UBE4B: variants seen among roughly 807,000 people sequenced by gnomAD.
UBE4B encodes ubiquitination factor E4B.
A neutral mutation model predicts 148.1 loss-of-function variants in UBE4B; 27 were observed. That is an observed-to-expected ratio of 0.18 (90% CI 0.13 to 0.25). The LOEUF (loss-of-function observed/expected upper bound fraction) is 0.25, where lower values mean the gene tolerates loss of function less well. Ranked by LOEUF, UBE4B falls within the 10% of genes least tolerant of loss-of-function variation. UBE4B has a pLI of 1.00. For synonymous variants in UBE4B, 596 were observed against 619.3 expected (o/e 0.96, Z 0.56); for missense variants, 1,170 against 1,662.4 (o/e 0.70, Z 5.15).
At position 10,112,540 on chromosome 1, in the gene UBE4B, C is replaced by T. The variant is rs975996233; in HGVS notation, c.1197-4919C>T. Reference sequence around the variant, plus strand: ...TCAGCCTCCCAGGTAGCTGGGATTACAGGCACCCGCCACCATGCCTGGCTA... The same window carrying T: ...TCAGCCTCCCAGGTAGCTGGGATTATAGGCACCCGCCACCATGCCTGGCTA... On this transcript the variant is annotated intron_variant, in intron 7 of 27. Coordinates refer to ENST00000343090, the MANE Select transcript of UBE4B (RefSeq NM_001105562.3). 7.2e-5 allele frequency among the ~76,000 whole-genome samples: 11 copies of T among 152,176 alleles called. No homozygotes were observed. In the East Asian group the frequency reaches 2.1e-3, roughly 29 times the overall value.
intron 7 of UBE4B, chr1:10,107,473 A>T: frequency 8.3e-7 from 1 of 1,198,758 alleles, no homozygotes; most frequent in Non-Finnish European, 1.1e-6. Context: ...TCCAGGCAGG[A>T]TAGGGTCAAA....
chr1:10,160,277 T>A (rs888033249), intron 22 of UBE4B, among the ~76,000 whole-genome samples: 1 of 152,244 alleles, frequency 6.6e-6, no homozygotes, highest in Non-Finnish European at 1.5e-5. Flanking sequence ...CTTCCATGCG[T>A]CAGTCTTTGT....
Position 10,137,169 on chromosome 1 carries a change from ATATC to A in UBE4B, c.2328_2331del (p.Ile777AlafsTer13). ...TCTATTCTGCCTAGTTGCCGTCGCT[ATATC>A]CGCAGACTCCGGGCTATCCGGGAGC... is the stretch of plus-strand genomic sequence containing the variant. On this transcript the variant is annotated frameshift_variant, in exon 17 of 28. Transcript: ENST00000343090. LOFTEE classifies it high-confidence loss of function. 6.2e-7 allele frequency: 1 copy of A among 1,614,046 alleles called. No homozygotes were observed.
intron 25 of UBE4B, among the ~76,000 whole-genome samples, chr1:10,177,703 G>C (rs1557621866): frequency 1.3e-5 from 2 of 151,810 alleles, no homozygotes; most frequent in East Asian, 3.9e-4. Flanking sequence ...CAAAAACACT[G>C]GCCACTTGTT....
chr1:10,141,879 C>T (rs2101967384), intron 17 of UBE4B, among the ~76,000 whole-genome samples: 1 of 152,268 alleles, frequency 6.6e-6, no homozygotes, highest in Non-Finnish European at 1.5e-5. Flanking sequence ...CTTTGGGTCC[C>T]AGTCTTTGCC....
chr1:10,151,057 G>A (rs1413750983), intron 20 of UBE4B, among the ~76,000 whole-genome samples: 1 of 151,258 alleles, frequency 6.6e-6, no homozygotes, highest in Non-Finnish European at 1.5e-5. Context: ...CAGCTACTCG[G>A]GAGGCTGAGG....
intron 2 of UBE4B, among the ~76,000 whole-genome samples, chr1:10,082,397 A>T (rs1376987353): frequency 6.6e-6 from 1 of 152,096 alleles, no homozygotes; most frequent in Non-Finnish European, 1.5e-5. Context: ...GCTACTGGGG[A>T]GGCTGAGGCA....
chr1:10,037,533 G>A (rs139431848), intron 1 of UBE4B, among the ~76,000 whole-genome samples: 154 of 151,964 alleles, frequency 1.0e-3, no homozygotes, highest in Non-Finnish European at 1.8e-3. Context: ...GTTGTTTTTC[G>A]TATCTCAAGG....
intron 14 of UBE4B, among the ~76,000 whole-genome samples, chr1:10,131,248 G>C (rs866674465): frequency 6.6e-6 from 1 of 152,168 alleles, no homozygotes; most frequent in Admixed American, 6.6e-5. Context: ...AGGCCGAGTG[G>C]GGTGGATCAC....
intron 25 of UBE4B, 47 bp from the exon 26 acceptor site, chr1:10,178,597 C>T: frequency 6.6e-7 from 1 of 1,513,706 alleles, no homozygotes; most frequent in Non-Finnish European, 8.8e-7. Flanking sequence ...TCGCTTTTTT[C>T]CACCTGACGT....
chr1:10,062,250 A>C (rs998282563), intron 1 of UBE4B, among the ~76,000 whole-genome samples: 6 of 151,872 alleles, frequency 4.0e-5, no homozygotes, highest in African/African-American at 1.5e-4. Context: ...TAATTTCCTT[A>C]TCTCTTTGAA....
chr1:10,043,421 CTTTTTTTTTTTT>C (rs35513799), intron 1 of UBE4B, among the ~76,000 whole-genome samples: 29 of 110,862 alleles, frequency 2.6e-4, no homozygotes, highest in Non-Finnish European at 4.0e-4. Context: ...TGAGATGCTG[CTTTTTTTTTTTT>C]TTTTTTTTTT....
intron 1 of UBE4B, among the ~76,000 whole-genome samples, chr1:10,071,744 G>A (rs1246837863): frequency 6.6e-6 from 1 of 152,054 alleles, no homozygotes; most frequent in Non-Finnish European, 1.5e-5. Context: ...TGCTCAGGCT[G>A]GTCTTGAACT....
At chr1:10,145,247 G>T (rs887858892) in intron 18 of UBE4B, 20 of 398,776 alleles carry the variant, frequency 5.0e-5, no homozygotes, top group African/African-American at 8.1e-5. Context: ...AATATGGATA[G>T]ATATGCTTCT....
chr1:10,090,282 G>A (rs2101864842), intron 2 of UBE4B, among the ~76,000 whole-genome samples: 1 of 152,188 alleles, frequency 6.6e-6, no homozygotes, highest in African/African-American at 2.4e-5. Context: ...ATCACGCTTG[G>A]CTCATTTTTG....
intron 2 of UBE4B, among the ~76,000 whole-genome samples, chr1:10,078,085 C>T (rs1047997073): frequency 1.3e-5 from 2 of 152,196 alleles, no homozygotes; most frequent in South Asian, 4.1e-4. Context: ...TCTTGGCTCA[C>T]TGCAACCTCC....
At chr1:10,122,373 C>G (rs949811780) in intron 10 of UBE4B, among the ~76,000 whole-genome samples, 3 of 152,092 alleles carry the variant, frequency 2.0e-5, no homozygotes, top group Admixed American at 2.0e-4. Context: ...GCTTTTAAAA[C>G]AAGAATACCC....
At position 10,117,601 on chromosome 1, in the gene UBE4B, GTAA is replaced by G. The variant is rs1645333873; in HGVS notation, c.1338+4_1338+6del. The stretch of plus-strand genomic sequence containing the variant: ...AATAGAGGAAAAAAAAGCACCAAAG[GTAA>G]TATGAAATGGATTAACTTAAAAAAA... On this transcript the variant is annotated splice_donor_variant and splice_donor_region_variant and intron_variant, in intron 8 of 27. Transcript: ENST00000343090. LOFTEE classifies it high-confidence loss of function. 6.4e-7 allele frequency: 1 copy of G among 1,567,828 alleles called. No homozygotes were observed. Among genetic ancestry groups the G allele is most frequent in the African/African-American group, 1.4e-5 (1 of 71,694 alleles).
Position 10,161,247 on chromosome 1 carries a change from A to G in UBE4B, c.3159A>G (p.Glu1053=), listed in dbSNP as rs1646154586. The change falls in exon 23 of 28, where the codon GAA becomes GAG. Residue 1053 remains glutamate, a synonymous_variant. Transcript: ENST00000343090. The surrounding 1 kb of genome is among the most constrained non-coding windows in gnomAD (Gnocchi z 4.1). Reference sequence around the variant, plus strand: ...TGAAGCGAATCCATGAAGTGCAGGAAGAGATGAAGAACAAAGAACAGTGGG... The same window carrying G: ...TGAAGCGAATCCATGAAGTGCAGGAGGAGATGAAGAACAAAGAACAGTGGG... The part of the protein sequence containing the change: ...ESLKRIHEVQ[E]EMKNKEQWDQ... The G allele has an allele frequency of 1.2e-6, 2 of 1,614,140 alleles. No homozygotes were observed. Among genetic ancestry groups the G allele is most frequent in the Non-Finnish European group, 1.7e-6 (2 of 1,180,010 alleles).
Sources: allele counts gnomAD v4.1 joint callset (sites outside exome capture counted in the v4.1 genomes callset), GRCh38; gene constraint gnomAD v4.1.1; non-coding constraint Gnocchi (gnomAD v3.1); transcripts MANE v1.5; gene names NCBI Gene and HGNC (gene_info 2026-07-23, HGNC 2026-07-21).